GPC5: variants seen among roughly 807,000 people sequenced by gnomAD.
The protein encoded by GPC5 is glypican 5.
In GPC5, 47 loss-of-function variants were observed where a neutral mutation model predicts 53.9. That is an observed-to-expected ratio of 0.87 (90% CI 0.69 to 1.11). The LOEUF (loss-of-function observed/expected upper bound fraction) is 1.11. GPC5 is among the 50% of genes most tolerant of loss of function. The pLI, the probability that GPC5 is intolerant of heterozygous loss-of-function variation, is 0.00. For synonymous variants in GPC5, 286 were observed against 263.3 expected, an observed-to-expected ratio of 1.09 and a Z score of -0.84; for missense variants, 748 against 713.1, an observed-to-expected ratio of 1.05 and a Z score of -0.56.
intron 2 of GPC5, among the ~76,000 whole-genome samples, chr13:91,632,374 A>T (rs1227793554): frequency 6.6e-6 from 1 of 152,142 alleles, no homozygotes; most frequent in African/African-American, 2.4e-5. Context: ...GACAAGGCTT[A>T]ATAGAGAGGA....
intron 7 of GPC5, among the ~76,000 whole-genome samples, chr13:92,489,718 T>A (rs1256798652): frequency 2.0e-5 from 3 of 152,072 alleles, no homozygotes. Context: ...GATGAAGAAA[T>A]ATCACCACGT....
intron 6 of GPC5, among the ~76,000 whole-genome samples, chr13:92,037,455 C>A (rs1402936830): frequency 1.3e-5 from 2 of 152,090 alleles, no homozygotes. Flanking sequence ...ACCTTGTAAA[C>A]CTCATCACCA....
At chr13:92,597,262 ATT>A (rs112041986) in intron 7 of GPC5, among the ~76,000 whole-genome samples, 13 of 145,752 alleles carry the variant, frequency 8.9e-5, no homozygotes, top group African/African-American at 2.0e-4. Flanking sequence ...TAATGCCAGG[ATT>A]TTTTTTTTTT....
intron 6 of GPC5, among the ~76,000 whole-genome samples, chr13:91,933,690 C>A (rs968496585): frequency 6.6e-6 from 1 of 151,702 alleles, no homozygotes; most frequent in African/African-American, 2.4e-5. Context: ...CACACTATAC[C>A]AAGTCATTTT....
chr13:92,186,178 A>G lies in GPC5; in HGVS notation c.1561+41189A>G, dbSNP rs1016096498. Among the ~76,000 whole-genome samples the G allele has an allele frequency of 2.0e-5, 3 of 152,142 alleles. No individual in the cohort carries two copies. In the East Asian group the frequency reaches 5.8e-4, roughly 29 times the overall value. On this transcript the variant is annotated intron_variant, in intron 7 of 7. Coordinates refer to ENST00000377067, the MANE Select transcript of GPC5 (RefSeq NM_004466.6). Reference sequence around the variant, plus strand: ...TCTTTTAACAAAAGCATTCTGGTAGACATTATCTTCTGAATATTTTATAGA... The same window carrying G: ...TCTTTTAACAAAAGCATTCTGGTAGGCATTATCTTCTGAATATTTTATAGA...
intron 7 of GPC5, among the ~76,000 whole-genome samples, chr13:92,624,152 G>T (rs1324253109): frequency 6.6e-6 from 1 of 150,830 alleles, no homozygotes; most frequent in Admixed American, 6.6e-5. Context: ...TTGGCTCACT[G>T]CAACCTCCGC....
chr13:91,475,081 C>T (rs949415478), intron 2 of GPC5, among the ~76,000 whole-genome samples: 1 of 152,092 alleles, frequency 6.6e-6, no homozygotes, highest in Non-Finnish European at 1.5e-5. Context: ...TATTGTTTCC[C>T]TCCAGAGAAA....
intron 6 of GPC5, among the ~76,000 whole-genome samples, chr13:91,920,845 G>C (rs1315799479): frequency 1.4e-5 from 2 of 147,828 alleles, no homozygotes; most frequent in African/African-American, 2.5e-5. Context: ...CAAGTGTTAG[G>C]GTAGATTCAA....
chr13:92,348,016 T>TA (rs554346564), intron 7 of GPC5, among the ~76,000 whole-genome samples: 1,018 of 91,476 alleles, frequency 0.011, 26 homozygotes, highest in African/African-American at 0.036. Context: ...TACCACTTCT[T>TA]AAAAAAAAAA....
At chr13:92,749,015 T>C (rs1258945996) in intron 7 of GPC5, among the ~76,000 whole-genome samples, 4 of 152,122 alleles carry the variant, frequency 2.6e-5, no homozygotes, top group African/African-American at 9.7e-5. Context: ...TCAGAAACAG[T>C]TTTAGAGCAC....
chr13:91,859,884 A>T (rs2039006842), intron 5 of GPC5, among the ~76,000 whole-genome samples: 1 of 152,000 alleles, frequency 6.6e-6, no homozygotes, highest in Admixed American at 6.6e-5. Context: ...TTAACTCTAT[A>T]CCACAAATAT....
intron 7 of GPC5, among the ~76,000 whole-genome samples, chr13:92,723,344 G>A (rs1038165951): frequency 4.5e-4 from 16 of 35,792 alleles, no homozygotes; most frequent in Admixed American, 3.3e-3. Flanking sequence ...CTTTGTATTC[G>A]TTAAAAAAAC....
intron 6 of GPC5, among the ~76,000 whole-genome samples, chr13:92,072,196 A>G (rs2041217562): frequency 6.7e-6 from 1 of 148,534 alleles, no homozygotes; most frequent in Non-Finnish European, 1.5e-5. Context: ...ATATAAATAA[A>G]TAAAATGTAT....
intron 1 of GPC5, among the ~76,000 whole-genome samples, chr13:91,433,687 A>G (rs987092280): frequency 6.6e-6 from 1 of 152,134 alleles, no homozygotes; most frequent in African/African-American, 2.4e-5. Flanking sequence ...TTATAGCAGC[A>G]TGATTTATAA....
intron 7 of GPC5, among the ~76,000 whole-genome samples, chr13:92,504,566 G>A (rs1880299753): frequency 1.3e-5 from 2 of 151,880 alleles, no homozygotes. Context: ...AGACAAAATG[G>A]GAGACTTTCA....
intron 3 of GPC5, among the ~76,000 whole-genome samples, chr13:91,721,857 C>T (rs918234914): frequency 6.6e-6 from 1 of 152,172 alleles, no homozygotes; most frequent in Non-Finnish European, 1.5e-5. Context: ...AGCACCCCAC[C>T]CCCACTCTAC....
intron 7 of GPC5, among the ~76,000 whole-genome samples, chr13:92,382,716 G>A (rs2043759143): frequency 6.6e-6 from 1 of 152,076 alleles, no homozygotes; most frequent in African/African-American, 2.4e-5. Context: ...CACATCATAA[G>A]AAATCGCATT....
chr13:92,412,509 A>C (rs569546390), intron 7 of GPC5, among the ~76,000 whole-genome samples: 2 of 152,196 alleles, frequency 1.3e-5, no homozygotes, highest in African/African-American at 4.8e-5. Flanking sequence ...TTTATTTAAC[A>C]TTCTTAAACC....
chr13:91,988,976 A>G (rs763734697), intron 6 of GPC5, among the ~76,000 whole-genome samples: 3 of 151,960 alleles, frequency 2.0e-5, no homozygotes, highest in Non-Finnish European at 2.9e-5. Flanking sequence ...ATAGAACACT[A>G]CAAACCCAGA....
Sources: gnomAD v4.1 joint callset for allele counts (sites outside exome capture counted in the v4.1 genomes callset) on GRCh38, gnomAD v4.1.1 for gene constraint, MANE v1.5 for transcripts, NCBI Gene and HGNC (gene_info 2026-07-23, HGNC 2026-07-21) for gene names.